Variants in KAZN observed in about 807,000 individuals in gnomAD.
KAZN encodes the protein kazrin, periplakin interacting protein.
KAZN carries 40 observed loss-of-function variants against 87.4 expected under a neutral mutation model. The observed-to-expected ratio is 0.46, with a 90% CI of 0.36 to 0.60. The LOEUF (loss-of-function observed/expected upper bound fraction) is 0.60. KAZN is among the 20% of genes least tolerant of loss of function. KAZN has a pLI of 0.00. For missense variants in KAZN, 898 were observed against 1,073.9 expected (o/e 0.84, Z 2.29); for synonymous variants, 466 against 458.3 (o/e 1.02, Z -0.22).
chr1:14,729,088 C>G (rs971454072), intron 1 of KAZN, among the ~76,000 whole-genome samples: 1 of 152,110 alleles, frequency 6.6e-6, no homozygotes, highest in South Asian at 2.1e-4. Context: ...CTTTCCTGCC[C>G]GTCTCCTGCC....
intron 2 of KAZN, among the ~76,000 whole-genome samples, chr1:14,963,471 C>T (rs1180584957): frequency 6.6e-6 from 1 of 152,120 alleles, no homozygotes; most frequent in Non-Finnish European, 1.5e-5. Context: ...TGGGTATGGT[C>T]GCAGGGAAGG....
intron 2 of KAZN, among the ~76,000 whole-genome samples, chr1:14,433,791 C>A (rs139638686): frequency 6.6e-6 from 1 of 152,166 alleles, no homozygotes; most frequent in Non-Finnish European, 1.5e-5. Context: ...ACCCGGGAGG[C>A]GGAGGTTGCA....
At chr1:14,649,655 C>T (rs902371756) in intron 1 of KAZN, among the ~76,000 whole-genome samples, 16 of 152,230 alleles carry the variant, frequency 1.1e-4, no homozygotes, top group African/African-American at 3.6e-4. Flanking sequence ...AATGTCAAGG[C>T]GACCAACAAA....
intron 1 of KAZN, among the ~76,000 whole-genome samples, chr1:14,168,384 C>A (rs946990286): frequency 6.6e-6 from 1 of 152,182 alleles, no homozygotes; most frequent in Non-Finnish European, 1.5e-5. Context: ...GAGTTCTTTA[C>A]GGAGTTCTGG....
intron 2 of KAZN, among the ~76,000 whole-genome samples, chr1:14,467,193 G>T (rs961220864): frequency 6.6e-6 from 1 of 151,896 alleles, no homozygotes; most frequent in Admixed American, 6.6e-5. Context: ...AGGAGGGAGG[G>T]TATTGTGCTT....
At chr1:14,605,983 A>G (rs1677325507) in intron 1 of KAZN, among the ~76,000 whole-genome samples, 1 of 152,240 alleles carries the variant, frequency 6.6e-6, no homozygotes, top group Non-Finnish European at 1.5e-5. Context: ...TTCAGTCTTC[A>G]TAATGACTTA....
chr1:14,385,205 TTTTC>T (rs1174863461), intron 2 of KAZN, among the ~76,000 whole-genome samples: 5 of 152,042 alleles, frequency 3.3e-5, no homozygotes, highest in African/African-American at 1.2e-4. Flanking sequence ...GTTCTTCTTT[TTTTC>T]TTTATTAGTC....
At chr1:14,248,917 G>A (rs10157067) in intron 2 of KAZN, among the ~76,000 whole-genome samples, 47,208 of 151,932 alleles carry the variant, frequency 0.31, 8,150 homozygotes, top group East Asian at 0.49. Context: ...TCCCTAGTCC[G>A]CCATACTGGG....
Position 15,099,584 on chromosome 1 carries a change from C to T in KAZN, c.1548-1959C>T, listed in dbSNP as rs746858218. Among the ~76,000 whole-genome samples, 1 of 152,068 alleles carries T rather than the reference C, an allele frequency of 6.6e-6. No individual in the cohort carries two copies. The highest frequency in any genetic ancestry group is 1.5e-5 in the Non-Finnish European group (1 of 68,004). ...AGCTCAGTGCCTCCAGGAAACGGCCCCCAGGACCCCAAGCCCCATGTGCGT... is the reference window on the plus strand; with the variant it reads ...AGCTCAGTGCCTCCAGGAAACGGCCTCCAGGACCCCAAGCCCCATGTGCGT... On this transcript the variant is annotated intron_variant, in intron 10 of 14. Coordinates refer to ENST00000376030, the MANE Select transcript of KAZN (RefSeq NM_201628.3). The surrounding 1 kb of genome is among the most constrained non-coding windows in gnomAD (Gnocchi z 5.4).
intron 1 of KAZN, among the ~76,000 whole-genome samples, chr1:14,016,404 A>T (rs1055360383): frequency 6.6e-6 from 1 of 152,168 alleles, no homozygotes; most frequent in African/African-American, 2.4e-5. Flanking sequence ...TCTCAAGAGG[A>T]AATGCTATAC....
At chr1:14,542,437 A>C (rs978452702) in intron 2 of KAZN, among the ~76,000 whole-genome samples, 1 of 152,148 alleles carries the variant, frequency 6.6e-6, no homozygotes, top group African/African-American at 2.4e-5. Context: ...TAAAACTTAA[A>C]GTGTAATAAT....
intron 1 of KAZN, among the ~76,000 whole-genome samples, chr1:14,129,519 G>T (rs528438365): frequency 8.5e-4 from 130 of 152,350 alleles, no homozygotes; most frequent in African/African-American, 3.0e-3. Flanking sequence ...TCCAGTGGGA[G>T]AATTGGCAAG....
chr1:14,005,010 T>A (rs1004098652), intron 1 of KAZN, among the ~76,000 whole-genome samples: 1 of 151,438 alleles, frequency 6.6e-6, no homozygotes, highest in African/African-American at 2.5e-5. Context: ...TCTTATCAGA[T>A]GCACTCCCTC....
At chr1:14,776,594 A>G (rs1283245110) in intron 1 of KAZN, among the ~76,000 whole-genome samples, 2 of 152,038 alleles carry the variant, frequency 1.3e-5, no homozygotes, top group Non-Finnish European at 2.9e-5. Flanking sequence ...TGTGTCAGGC[A>G]CTCTGCTAAG....
intron 2 of KAZN, among the ~76,000 whole-genome samples, chr1:14,588,358 T>C (rs982382435): frequency 6.6e-6 from 1 of 152,230 alleles, no homozygotes; most frequent in African/African-American, 2.4e-5. Flanking sequence ...GTGTTCTTCA[T>C]GTAAAGGCAT....
intron 1 of KAZN, among the ~76,000 whole-genome samples, chr1:14,121,212 G>T (rs924617334): frequency 2.6e-5 from 4 of 152,138 alleles, no homozygotes; most frequent in African/African-American, 4.8e-5. Flanking sequence ...TATAGTATTA[G>T]CAGGCATTCA....
intron 1 of KAZN, among the ~76,000 whole-genome samples, chr1:14,705,023 C>T (rs1305679338): frequency 1.3e-5 from 2 of 152,208 alleles, no homozygotes; most frequent in East Asian, 3.8e-4. Flanking sequence ...CATAACAAAA[C>T]ACCACAGACC....
intron 2 of KAZN, among the ~76,000 whole-genome samples, chr1:14,339,693 A>C (rs1657544981): frequency 6.6e-6 from 1 of 152,216 alleles, no homozygotes; most frequent in African/African-American, 2.4e-5. Context: ...ATTCACATTA[A>C]GGAGGGCAAT....
At chr1:14,831,384 G>A (rs1217354397) in intron 1 of KAZN, among the ~76,000 whole-genome samples, 1 of 152,096 alleles carries the variant, frequency 6.6e-6, no homozygotes, top group African/African-American at 2.4e-5. Context: ...CAAGAAAGTG[G>A]GACGCCTCCC....
Sources: allele counts gnomAD v4.1 joint callset (sites outside exome capture counted in the v4.1 genomes callset), GRCh38; gene constraint gnomAD v4.1.1; non-coding constraint Gnocchi (gnomAD v3.1); transcripts MANE v1.5; gene names NCBI Gene and HGNC (gene_info 2026-07-23, HGNC 2026-07-21).